The following TRAPPC9 variants were observed in gnomAD, a reference collection of about 807,000 sequenced individuals.
TRAPPC9 encodes the protein trafficking protein particle complex subunit 9, also known as IKK2 binding protein.
TRAPPC9 carries 83 observed loss-of-function variants against 124.0 expected under a neutral mutation model. The observed-to-expected ratio is 0.67, with a 90% CI of 0.56 to 0.80. The LOEUF (loss-of-function observed/expected upper bound fraction) is 0.80. Among genes scored for constraint, TRAPPC9 ranks in the 30% least tolerant of loss-of-function variants. The probability of loss-of-function intolerance (pLI) is 0.00; values close to 1 mark genes in which losing one functional copy is unlikely to be tolerated. For synonymous variants in TRAPPC9, 638 were observed against 617.5 expected, an observed-to-expected ratio of 1.03 and a Z score of -0.49; for missense variants, 1,302 against 1,508.3, an observed-to-expected ratio of 0.86 and a Z score of 2.27.
At chr8:140,247,936 ACTT>A (rs1177797488) in intron 16 of TRAPPC9, among the ~76,000 whole-genome samples, 1 of 151,328 alleles carries the variant, frequency 6.6e-6, no homozygotes, top group Non-Finnish European at 1.5e-5. Context: ...ATTCTTTTGT[ACTT>A]CTTCTTCATG....
intron 13 of TRAPPC9, among the ~76,000 whole-genome samples, chr8:140,284,511 T>C (rs1229202056): frequency 6.6e-6 from 1 of 152,202 alleles, no homozygotes; most frequent in African/African-American, 2.4e-5. Context: ...AGATGTGCTG[T>C]GTGTGTATAA....
intron 21 of TRAPPC9, among the ~76,000 whole-genome samples, chr8:139,746,567 A>G (rs908232897): frequency 6.6e-6 from 1 of 152,158 alleles, no homozygotes; most frequent in African/African-American, 2.4e-5. Flanking sequence ...GGGGACGAAG[A>G]CACGAGGTGG....
intron 17 of TRAPPC9, among the ~76,000 whole-genome samples, chr8:140,106,776 C>G (rs1237450915): frequency 6.6e-6 from 1 of 152,112 alleles, no homozygotes; most frequent in Non-Finnish European, 1.5e-5. Context: ...AAGAACGAAG[C>G]AAGATAGCCT....
chr8:139,945,189 C>T (rs751205692), intron 19 of TRAPPC9, among the ~76,000 whole-genome samples: 28 of 151,996 alleles, frequency 1.8e-4, no homozygotes, highest in South Asian at 6.2e-4. Context: ...TTCAACTATA[C>T]GTTGTTTATA....
At chr8:140,152,355 CTT>C (rs34124150) in intron 17 of TRAPPC9, among the ~76,000 whole-genome samples, 12,962 of 91,730 alleles carry the variant, frequency 0.14, 246 homozygotes, top group Non-Finnish European at 0.18. Flanking sequence ...ATATTGCCAT[CTT>C]TTTTTTTTTT....
intron 19 of TRAPPC9, among the ~76,000 whole-genome samples, chr8:139,927,404 C>T (rs1832880655): frequency 6.6e-6 from 1 of 152,176 alleles, no homozygotes; most frequent in African/African-American, 2.4e-5. Flanking sequence ...ACCACCACAC[C>T]CAGCTAATGT....
chr8:140,453,481 G>A (rs530772108), intron 1 of TRAPPC9, among the ~76,000 whole-genome samples: 15 of 58,974 alleles, frequency 2.5e-4, no homozygotes, highest in Admixed American at 2.9e-4. Flanking sequence ...TCACCTGCAC[G>A]GAGAGGAGGA....
At chr8:139,976,747 G>A (rs1473481167) in intron 19 of TRAPPC9, among the ~76,000 whole-genome samples, 2 of 152,220 alleles carry the variant, frequency 1.3e-5, no homozygotes, top group African/African-American at 2.4e-5. Context: ...AGTCTGGCAG[G>A]GAGGACTCAG....
rs1045744299 is a variant in TRAPPC9, at chr8:139,988,610, G to C, written c.2810+116C>G. On this transcript the variant is annotated intron_variant, in intron 19 of 22. Transcript: ENST00000438773. ...TAGTCACTACGGTATCTCTGAAAGG[G>C]AGACAAACTGCCCATCCTCTGAGGA... The C allele has an allele frequency of 6.9e-6, 5 of 726,846 alleles. No individual in the cohort carries two copies. The African/African-American group carries it at 8.7e-5, about 13-fold the overall frequency. 45.0% of individuals were successfully genotyped at this position (726,846 alleles called of 1,614,324 possible). A position where few individuals can be genotyped will look rare whatever the true frequency, so the allele number is the denominator to read the frequency against.
intron 21 of TRAPPC9, among the ~76,000 whole-genome samples, chr8:139,867,460 C>T (rs983065508): frequency 5.3e-5 from 8 of 152,284 alleles, no homozygotes; most frequent in Non-Finnish European, 1.2e-4. Flanking sequence ...GATGAGGAAT[C>T]GGATATCCAC....
intron 21 of TRAPPC9, among the ~76,000 whole-genome samples, chr8:139,863,023 A>G (rs895041562): frequency 3.3e-5 from 5 of 152,330 alleles, no homozygotes; most frequent in African/African-American, 1.2e-4. Flanking sequence ...CACAGAGGGG[A>G]GGGCTCTGAG....
chr8:140,345,540 C>T (rs1166755003), intron 9 of TRAPPC9, among the ~76,000 whole-genome samples: 3 of 152,194 alleles, frequency 2.0e-5, no homozygotes, highest in African/African-American at 7.2e-5. Context: ...CTCATCTCCT[C>T]GGATTGCTAG....
intron 21 of TRAPPC9, among the ~76,000 whole-genome samples, chr8:139,793,705 G>C (rs1456482932): frequency 1.3e-5 from 2 of 152,222 alleles, no homozygotes; most frequent in African/African-American, 4.8e-5. Context: ...GGCTGTGGCT[G>C]TTTAGAGAGG....
At chr8:140,229,645 T>G (rs1328222922) in intron 16 of TRAPPC9, among the ~76,000 whole-genome samples, 1 of 151,812 alleles carries the variant, frequency 6.6e-6, no homozygotes, top group Admixed American at 6.6e-5. Flanking sequence ...CTCGGCTCAC[T>G]GCAACCACTG....
At chr8:140,048,763 C>T (rs1296769088) in intron 17 of TRAPPC9, among the ~76,000 whole-genome samples, 2 of 152,132 alleles carry the variant, frequency 1.3e-5, no homozygotes, top group Non-Finnish European at 2.9e-5. Flanking sequence ...GAAGGGAGGG[C>T]ACCCGTGAGC....
intron 21 of TRAPPC9, among the ~76,000 whole-genome samples, chr8:139,842,977 C>T (rs921585920): frequency 6.6e-6 from 1 of 152,210 alleles, no homozygotes; most frequent in African/African-American, 2.4e-5. Flanking sequence ...GCATACCTTG[C>T]CAGATGCTTC....
intron 18 of TRAPPC9, among the ~76,000 whole-genome samples, chr8:140,016,003 C>T (rs1839440564): frequency 6.6e-6 from 1 of 152,272 alleles, no homozygotes; most frequent in East Asian, 1.9e-4. Flanking sequence ...AGTGGAAGAA[C>T]CAGAAACCCA....
intron 15 of TRAPPC9, among the ~76,000 whole-genome samples, chr8:140,261,736 A>G (rs548154332): frequency 6.6e-6 from 1 of 152,312 alleles, no homozygotes; most frequent in South Asian, 2.1e-4. Context: ...ACGTGCTTCA[A>G]CTGAGAGACG....
intron 4 of TRAPPC9, among the ~76,000 whole-genome samples, chr8:140,429,828 G>C (rs1175547801): frequency 6.7e-6 from 1 of 149,478 alleles, no homozygotes; most frequent in African/African-American, 2.5e-5. Flanking sequence ...TAAATAAAAT[G>C]TGTGTAGCAC....
Sources: gnomAD v4.1 joint callset for allele counts (sites outside exome capture counted in the v4.1 genomes callset) on GRCh38, gnomAD v4.1.1 for gene constraint, MANE v1.5 for transcripts, NCBI Gene and HGNC (gene_info 2026-07-23, HGNC 2026-07-21) for gene names.